Variants in FAM161B observed in about 807,000 individuals in gnomAD.
The protein encoded by FAM161B is FAM161 centrosomal protein B.
A neutral mutation model predicts 61.5 loss-of-function variants in FAM161B; 46 were observed. That is an observed-to-expected ratio of 0.75 (90% CI 0.59 to 0.96). The LOEUF (loss-of-function observed/expected upper bound fraction) is 0.96. Among genes scored for constraint, FAM161B ranks in the 40% least tolerant of loss-of-function variants. FAM161B has a pLI of 0.00. For synonymous variants in FAM161B, 284 were observed against 302.7 expected, an observed-to-expected ratio of 0.94 and a Z score of 0.64; for missense variants, 774 against 800.7, an observed-to-expected ratio of 0.97 and a Z score of 0.40.
chr14:73,934,456 C>A, intron 8 of FAM161B, 62 bp from the exon 9 acceptor site: 1 of 1,505,002 alleles, frequency 6.6e-7, no homozygotes, highest in East Asian at 2.3e-5. Context: ...GGGTCTCACT[C>A]TCACCCAGGC....
intron 5 of FAM161B, among the ~76,000 whole-genome samples, 181 bp downstream of exon 5, chr14:73,940,745 T>C (rs778486804): frequency 1.3e-4 from 20 of 152,234 alleles, no homozygotes; most frequent in Admixed American, 2.6e-4. Flanking sequence ...TGCTGAATGA[T>C]GGCTAGCTGT....
chr14:73,932,466 A>G lies in FAM161B; in HGVS notation c.*1790T>C, dbSNP rs1383542058. The G allele has an allele frequency of 4.4e-6, 2 of 453,978 alleles. No individual in the cohort carries two copies. Among genetic ancestry groups the G allele is most frequent in the Non-Finnish European group, 8.8e-6 (2 of 226,436 alleles). The allele number at this position is 453,978 out of a possible 1,614,324, so 28.1% of individuals were successfully genotyped here. On this transcript the variant is annotated 3_prime_UTR_variant, in exon 9 of 9. Transcript: ENST00000286544. ...AGGTGATAGTTACTCTGTCACCACCAAAAAAGACGCATCTGAGAAAATGGC... is the reference window on the plus strand; with the variant it reads ...AGGTGATAGTTACTCTGTCACCACCGAAAAAGACGCATCTGAGAAAATGGC...
In FAM161B at chr14:73,938,150, A is replaced by G. The variant is rs746865060; in HGVS notation, c.1401-38T>C. On this transcript the variant is annotated intron_variant, in intron 5 of 8. Transcript: ENST00000286544. ...GGCAGAAAAAGAGTATAGATTACCAACCTGGGTATACTGAAAAGCAATCTT... is the reference window on the plus strand; with the variant it reads ...GGCAGAAAAAGAGTATAGATTACCAGCCTGGGTATACTGAAAAGCAATCTT... 11 of 1,605,364 alleles carry G rather than the reference A, an allele frequency of 6.9e-6. No individual in the cohort carries two copies. In the Admixed American group the frequency reaches 1.2e-4, roughly 17 times the overall value.
chr14:73,930,753 C>T (rs537073643), downstream of FAM161B, among the ~76,000 whole-genome samples: 1 of 152,138 alleles, frequency 6.6e-6, no homozygotes, highest in South Asian at 2.1e-4. Context: ...CAAGCATGTA[C>T]CACCATGCTT....
At position 73,944,601 on chromosome 14, in the gene FAM161B, G is replaced by C; in HGVS notation, c.659C>G (p.Pro220Arg). The change falls in exon 3 of 9, where the codon CCT (proline) becomes CGT (arginine). Residue 220 changes from proline (P) to arginine (R), a missense_variant. Pro to Arg is a moderately radical substitution (Grantham distance 103). Coordinates refer to ENST00000286544, the MANE Select transcript of FAM161B (RefSeq NM_152445.3). Reference protein sequence around the residue: ...AECHRQFRAQPVPAHVYLPLY... With the variant: ...AECHRQFRAQRVPAHVYLPLY... ...GGGCAGGTAGACATGTGCAGGCACA[G>C]GCTGTGCCCGGAACTGCCTGTGGCA... The C allele has an allele frequency of 6.2e-7, 1 of 1,614,094 alleles. No individual in the cohort carries two copies. Among genetic ancestry groups the C allele is most frequent in the Non-Finnish European group, 8.5e-7 (1 of 1,180,028 alleles).
chr14:73,949,850 T>C (rs1374513582), intron 1 of FAM161B, 123 bp downstream of exon 1: 1 of 1,410,454 alleles, frequency 7.1e-7, no homozygotes, highest in Admixed American at 2.2e-5. Flanking sequence ...TCCTGGTCCC[T>C]AAACGCTCAT....
At chr14:73,945,485 G>A (rs2056058559) in intron 2 of FAM161B, among the ~76,000 whole-genome samples, 1 of 151,982 alleles carries the variant, frequency 6.6e-6, no homozygotes, top group African/African-American at 2.4e-5. Context: ...TGTTGCCCAA[G>A]CTGGGCGTGA....
chr14:73,935,326 G>C (rs1024688030), intron 8 of FAM161B, among the ~76,000 whole-genome samples: 1 of 151,934 alleles, frequency 6.6e-6, no homozygotes, highest in African/African-American at 2.4e-5. Flanking sequence ...AGGAGATCGA[G>C]ACCATCCTGG....
In FAM161B at chr14:73,937,653, T is replaced by C; in HGVS notation, c.1614A>G (p.Glu538=). The C allele has an allele frequency of 6.2e-7, 1 of 1,614,188 alleles. No individual in the cohort carries two copies. Among genetic ancestry groups the C allele is most frequent in the Non-Finnish European group, 8.5e-7 (1 of 1,180,032 alleles). ...RAKEYKKELE[E]MKQRIQTRPY... The stretch of plus-strand genomic sequence containing the variant: ...GCCTTGTTTGTATTCGCTGCTTCAT[T>C]TCCTCCAGTTCTTTCTTATATTCTT... The change falls in exon 7 of 9, where the codon GAA becomes GAG. Residue 538 remains glutamate, a synonymous_variant. Transcript: ENST00000286544.
At position 73,950,061 on chromosome 14, in the gene FAM161B, C is replaced by T; in HGVS notation, c.-35G>A. 1 of 1,609,712 alleles carries T rather than the reference C, an allele frequency of 6.2e-7. No homozygotes were observed. ...ACAGAGGCAGCAGCGACAGTGACAGCGATAGTGGCAGCAGCGGTGGCAGCG... is the reference window on the plus strand; with the variant it reads ...ACAGAGGCAGCAGCGACAGTGACAGTGATAGTGGCAGCAGCGGTGGCAGCG... On this transcript the variant is annotated 5_prime_UTR_variant, in exon 1 of 9. Transcript: ENST00000286544.
downstream of FAM161B, among the ~76,000 whole-genome samples, chr14:73,930,801 G>C (rs536356211): frequency 6.6e-6 from 1 of 151,978 alleles, no homozygotes; most frequent in African/African-American, 2.4e-5. Context: ...GGGCCTCACT[G>C]TGTTGCCCAA....
intron 7 of FAM161B, among the ~76,000 whole-genome samples, chr14:73,936,292 C>G (rs1252437462): frequency 6.6e-6 from 1 of 152,180 alleles, no homozygotes; most frequent in Non-Finnish European, 1.5e-5. Flanking sequence ...ATGCAGATTT[C>G]ACATTTGGTA....
At chr14:73,949,921 A>C (rs1399565791) in intron 1 of FAM161B, 52 bp downstream of exon 1, 1 of 1,606,938 alleles carries the variant, frequency 6.2e-7, no homozygotes, top group Admixed American at 1.7e-5. Flanking sequence ...AACGCCCAAC[A>C]GTTTCCTCTC....
Position 73,937,930 on chromosome 14 carries a change from C to T in FAM161B, c.1565+18G>A. 3 of 1,613,680 alleles carry T rather than the reference C, an allele frequency of 1.9e-6. No individual in the cohort carries two copies. Among genetic ancestry groups the T allele is most frequent in the Non-Finnish European group, 2.5e-6 (3 of 1,179,832 alleles). On this transcript the variant is annotated intron_variant, in intron 6 of 8. Coordinates refer to ENST00000286544, the MANE Select transcript of FAM161B (RefSeq NM_152445.3). ...ATCCCAAGGCAAGCACCCCTTTTGACACATAGAGGACACTGACCGGTTCTC... is the reference window on the plus strand; with the variant it reads ...ATCCCAAGGCAAGCACCCCTTTTGATACATAGAGGACACTGACCGGTTCTC...
intron 8 of FAM161B, 99 bp from the exon 9 acceptor site, chr14:73,934,493 C>T (rs1006335803): frequency 1.0e-5 from 12 of 1,200,086 alleles, no homozygotes; most frequent in Non-Finnish European, 1.4e-5. Flanking sequence ...GATCTCAGCT[C>T]ACTGCAGCCT....
chr14:73,937,683 T>C lies in FAM161B; in HGVS notation c.1584A>G (p.Arg528=). ...LKENRNNDRK[R]AKEYKKELEE... ...CCAGTTCTTTCTTATATTCTTTCGC[T>C]CTTTTACGGTCATTGTTCCTGGAAT... The change falls in exon 7 of 9, where the codon AGA becomes AGG. Residue 528 remains arginine (R), a synonymous_variant. Transcript: ENST00000286544. The C allele has an allele frequency of 6.2e-7, 1 of 1,614,104 alleles. No individual in the cohort carries two copies. The highest frequency in any genetic ancestry group is 8.5e-7 in the Non-Finnish European group (1 of 1,180,008).
In FAM161B at chr14:73,934,113, C is replaced by G. The variant is rs1356145989; in HGVS notation, c.*143G>C. 1 of 971,078 alleles carries G rather than the reference C, an allele frequency of 1.0e-6. No individual in the cohort carries two copies. The highest frequency in any genetic ancestry group is 3.0e-5 in the Admixed American group (1 of 33,458). 60.2% of individuals were successfully genotyped at this position (971,078 alleles called of 1,614,324 possible). A position where few individuals can be genotyped will look rare whatever the true frequency, so the allele number is the denominator to read the frequency against. On this transcript the variant is annotated 3_prime_UTR_variant, in exon 9 of 9. Transcript: ENST00000286544. Reference sequence around the variant, plus strand: ...TTGGGATTACAGGCGTGAGCCACTGCGCCTGGCCTGTTAATCTGCTACTCT... The same window carrying G: ...TTGGGATTACAGGCGTGAGCCACTGGGCCTGGCCTGTTAATCTGCTACTCT...
chr14:73,945,020 T>A, intron 2 of FAM161B, 135 bp from the exon 3 acceptor site: 1 of 619,680 alleles, frequency 1.6e-6, no homozygotes, highest in Middle Eastern at 4.7e-4. Context: ...CCCACAGGCC[T>A]CTATGTCCAT....
chr14:73,934,332 T>C lies in FAM161B; in HGVS notation c.1868A>G (p.Glu623Gly), dbSNP rs2055952334. The change falls in exon 9 of 9, where the codon GAA (glutamate) becomes GGA (glycine). Residue 623 changes from glutamate to glycine, a missense_variant. Transcript: ENST00000286544. ...TACTTTCCTGGGGCTTGCAGGCTGT[T>C]CTAGAGATCCTTCTAAACCCTGCTC... is the stretch of plus-strand genomic sequence containing the variant. ...DPEQGLEGSL[E>G]QPASPRKVLE... The C allele has an allele frequency of 6.2e-7, 1 of 1,614,212 alleles. No individual in the cohort carries two copies. Among genetic ancestry groups the C allele is most frequent in the Non-Finnish European group, 8.5e-7 (1 of 1,180,038 alleles).
Sources: allele counts gnomAD v4.1 joint callset (sites outside exome capture counted in the v4.1 genomes callset), GRCh38; gene constraint gnomAD v4.1.1; transcripts MANE v1.5; gene names NCBI Gene and HGNC (gene_info 2026-07-23, HGNC 2026-07-21).